Variants in RABGAP1L observed in about 807,000 individuals in gnomAD.
RABGAP1L encodes rab GTPase-activating protein 1-like.
Under a neutral mutation model 137.7 loss-of-function variants are expected in RABGAP1L, and 63 were observed. The ratio of observed to expected loss-of-function variants is 0.46; its 90% CI spans 0.37 to 0.56. RABGAP1L has a LOEUF of 0.56. RABGAP1L is among the 20% of genes least tolerant of loss of function. RABGAP1L has a pLI of 0.00. For missense variants in RABGAP1L, 1,095 were observed against 1,244.0 expected (o/e 0.88, Z 1.80); for synonymous variants, 431 against 433.7 (o/e 0.99, Z 0.08).
At chr1:174,313,740 T>C (rs531017857) in intron 11 of RABGAP1L, among the ~76,000 whole-genome samples, 1 of 152,324 alleles carries the variant, frequency 6.6e-6, no homozygotes, top group Admixed American at 6.5e-5. Flanking sequence ...TGGAATTTTA[T>C]CAAATGCTTT....
chr1:174,175,477 C>T (rs1339399067), intron 1 of RABGAP1L, among the ~76,000 whole-genome samples: 1 of 151,496 alleles, frequency 6.6e-6, no homozygotes, highest in African/African-American at 2.4e-5. Flanking sequence ...CATTAGACTA[C>T]AGGCTTTCTT....
At chr1:174,827,594 T>G (rs1387549731) in intron 19 of RABGAP1L, among the ~76,000 whole-genome samples, 1 of 147,876 alleles carries the variant, frequency 6.8e-6, no homozygotes, top group Non-Finnish European at 1.5e-5. Context: ...CAATATCTTA[T>G]AACACGTGAC....
At chr1:174,674,754 T>G (rs552167562) in intron 14 of RABGAP1L, among the ~76,000 whole-genome samples, 15 of 152,004 alleles carry the variant, frequency 9.9e-5, no homozygotes, top group African/African-American at 3.6e-4. Flanking sequence ...CACCTGTTGT[T>G]TCCTAACTTT....
intron 11 of RABGAP1L, among the ~76,000 whole-genome samples, chr1:174,357,236 C>T (rs2148950875): frequency 6.6e-6 from 1 of 152,244 alleles, no homozygotes; most frequent in South Asian, 2.1e-4. Context: ...TTCTTAACAT[C>T]TTCATACTTT....
At chr1:174,982,748 A>C in intron 23 of RABGAP1L, 86 bp from the exon 24 acceptor site, 3 of 1,292,192 alleles carry the variant, frequency 2.3e-6, no homozygotes, top group Non-Finnish European at 3.3e-6. Flanking sequence ...ATGTGCTAGC[A>C]TAACACATGA....
chr1:174,492,992 A>C (rs192832433), intron 13 of RABGAP1L, among the ~76,000 whole-genome samples: 1 of 151,590 alleles, frequency 6.6e-6, no homozygotes, highest in East Asian at 1.9e-4. Flanking sequence ...ATTAGGCTTT[A>C]AGCTCCATGA....
intron 1 of RABGAP1L, among the ~76,000 whole-genome samples, chr1:174,174,145 C>G (rs1055555911): frequency 2.4e-4 from 35 of 147,882 alleles, no homozygotes; most frequent in African/African-American, 8.6e-4. Context: ...ATACTGATAA[C>G]AAGACAGATT....
chr1:174,870,134 C>T (rs542736529), intron 19 of RABGAP1L, among the ~76,000 whole-genome samples: 1 of 152,316 alleles, frequency 6.6e-6, no homozygotes, highest in East Asian at 1.9e-4. Flanking sequence ...TAGTAATCTT[C>T]AATGACTGGC....
At chr1:174,545,016 C>T (rs1665876031) in intron 13 of RABGAP1L, 4 of 153,294 alleles carry the variant, frequency 2.6e-5, no homozygotes, top group Admixed American at 2.6e-4. Flanking sequence ...TTGGCCCCTC[C>T]TGGGAGGTGT....
At chr1:174,336,710 A>C (rs1222376620) in intron 11 of RABGAP1L, among the ~76,000 whole-genome samples, 2 of 152,162 alleles carry the variant, frequency 1.3e-5, no homozygotes, top group African/African-American at 4.8e-5. Flanking sequence ...GCCTACCTAT[A>C]TTAGCTCATT....
chr1:174,663,303 A>C (rs571539192), intron 14 of RABGAP1L, among the ~76,000 whole-genome samples: 2 of 152,338 alleles, frequency 1.3e-5, no homozygotes, highest in South Asian at 2.1e-4. Flanking sequence ...TAATTATCAT[A>C]CTGTTGTATA....
At chr1:174,816,142 C>T (rs1162348484) in intron 19 of RABGAP1L, among the ~76,000 whole-genome samples, 2 of 126,872 alleles carry the variant, frequency 1.6e-5, no homozygotes, top group East Asian at 2.7e-4. Flanking sequence ...TAACATAATA[C>T]ATAGCTTTTT....
At chr1:174,785,319 C>A (rs1001654984) in intron 18 of RABGAP1L, among the ~76,000 whole-genome samples, 2 of 152,226 alleles carry the variant, frequency 1.3e-5, no homozygotes, top group African/African-American at 4.8e-5. Flanking sequence ...CCATTTCAGC[C>A]TCCCAAAGTG....
chr1:174,579,210 A>G (rs960756481), intron 13 of RABGAP1L, among the ~76,000 whole-genome samples: 2 of 152,016 alleles, frequency 1.3e-5, no homozygotes, highest in African/African-American at 4.8e-5. Flanking sequence ...GTACAAAGGG[A>G]TTTGATTATA....
At chr1:174,314,256 G>T (rs1313005668) in intron 11 of RABGAP1L, among the ~76,000 whole-genome samples, 1 of 152,116 alleles carries the variant, frequency 6.6e-6, no homozygotes, top group Non-Finnish European at 1.5e-5. Context: ...ATGTGTCTAG[G>T]AATGTGTTCT....
chr1:174,962,206 C>CCG (rs397961801), intron 20 of RABGAP1L, among the ~76,000 whole-genome samples: 2 of 135,432 alleles, frequency 1.5e-5, no homozygotes, highest in Non-Finnish European at 3.2e-5. Flanking sequence ...ACCCCCCCCC[C>CCG]ACACACACAC....
At chr1:174,598,755 C>G (rs1445899720) in intron 13 of RABGAP1L, among the ~76,000 whole-genome samples, 1 of 151,902 alleles carries the variant, frequency 6.6e-6, no homozygotes, top group Non-Finnish European at 1.5e-5. Flanking sequence ...CATGGAATAT[C>G]TTTTCCCATT....
At chr1:174,816,147 C>CTTTTTTTTTT (rs67065448) in intron 19 of RABGAP1L, among the ~76,000 whole-genome samples, 8 of 86,182 alleles carry the variant, frequency 9.3e-5, no homozygotes, top group East Asian at 9.2e-4. Flanking sequence ...TAATACATAG[C>CTTTTTTTTTT]TTTTTTTTTT....
rs566036276 is a variant in RABGAP1L at position 174,683,865 on chromosome 1, G to A, written c.1899+269G>A. 5.9e-5 allele frequency among the ~76,000 whole-genome samples: 9 copies of A among 152,214 alleles called. No individual in the cohort carries two copies. In the East Asian group the frequency reaches 7.7e-4, roughly 13 times the overall value. On this transcript the variant is annotated intron_variant, in intron 15 of 25. Transcript: ENST00000681986. ...AGAATCCTCTGGAATTAAAGAAGTC[G>A]GTATAACTGCCCAAATATCAGGACC...
Sources: gnomAD v4.1 joint callset for allele counts (sites outside exome capture counted in the v4.1 genomes callset) on GRCh38, gnomAD v4.1.1 for gene constraint, MANE v1.5 for transcripts, NCBI Gene and HGNC (gene_info 2026-07-23, HGNC 2026-07-21) for gene names.